The following PLEKHA5 variants were observed in gnomAD, a reference collection of about 807,000 sequenced individuals.
PLEKHA5 encodes pleckstrin homology domain containing A5, also known as pleckstrin homology domain-containing family A member 5.
A neutral mutation model predicts 181.9 loss-of-function variants in PLEKHA5; 55 were observed. The ratio of observed to expected loss-of-function variants is 0.30; its 90% CI spans 0.24 to 0.38. PLEKHA5 has a LOEUF of 0.38. PLEKHA5 is among the 10% of genes least tolerant of loss of function. The pLI is 1.00. For missense variants in PLEKHA5, 1,432 were observed against 1,549.5 expected (o/e 0.92, Z 1.27); for synonymous variants, 535 against 529.4 (o/e 1.01, Z -0.15).
At chr12:19,131,706 T>G (rs902780113) in intron 2 of PLEKHA5, among the ~76,000 whole-genome samples, 1 of 152,160 alleles carries the variant, frequency 6.6e-6, no homozygotes, top group East Asian at 1.9e-4. Context: ...TTTACTTTGC[T>G]TGGACTCTGG....
intron 11 of PLEKHA5, among the ~76,000 whole-genome samples, chr12:19,277,980 G>T (rs895133062): frequency 6.6e-6 from 1 of 152,166 alleles, no homozygotes; most frequent in African/African-American, 2.4e-5. Flanking sequence ...TCTGATGTAG[G>T]AGCTTAGAGT....
rs555247460 is a variant in PLEKHA5, at chr12:19,194,048, T to C, written c.228-59892T>C. On this transcript the variant is annotated intron_variant, in intron 3 of 31. Coordinates refer to ENST00000429027, the MANE Select transcript of PLEKHA5 (RefSeq NM_001256470.2). ...TGACCCAAACACCTCCCACCAGGCC[T>C]CACCTCCAACATTGGGGATTGCATT... 5.9e-5 allele frequency among the ~76,000 whole-genome samples: 9 copies of C among 152,272 alleles called. No individual in the cohort carries two copies. The South Asian group carries it at 1.9e-3, about 32-fold the overall frequency.
At chr12:19,210,315 A>T (rs2056646828) in intron 3 of PLEKHA5, among the ~76,000 whole-genome samples, 1 of 152,348 alleles carries the variant, frequency 6.6e-6, no homozygotes, top group South Asian at 2.1e-4. Context: ...TGACATTTTT[A>T]AAAGTATAAG....
intron 28 of PLEKHA5, 118 bp downstream of exon 28, chr12:19,359,664 T>C (rs1309388065): frequency 9.4e-7 from 1 of 1,063,482 alleles, no homozygotes; most frequent in African/African-American, 1.6e-5. Flanking sequence ...TAGAGCTAAA[T>C]GAAAAAATAA....
intron 21 of PLEKHA5, among the ~76,000 whole-genome samples, chr12:19,337,548 C>CAAAAAAAA (rs1157232818): frequency 8.1e-5 from 5 of 61,686 alleles, no homozygotes; most frequent in Non-Finnish European, 1.4e-4. Context: ...GACTCTATCT[C>CAAAAAAAA]AAAAAAAAAA....
intron 3 of PLEKHA5, chr12:19,202,114 AGT>A: frequency 1.9e-6 from 1 of 517,668 alleles, no homozygotes; most frequent in Non-Finnish European, 2.5e-6. Flanking sequence ...AATTATTTTC[AGT>A]AGTTTTGCCT....
chr12:19,180,395 T>G (rs952556030), intron 3 of PLEKHA5, among the ~76,000 whole-genome samples: 22 of 152,160 alleles, frequency 1.4e-4, no homozygotes, highest in African/African-American at 5.3e-4. Flanking sequence ...TCCTCAGGGC[T>G]GAGGCATATG....
chr12:19,184,169 G>A (rs2049271366), intron 3 of PLEKHA5, among the ~76,000 whole-genome samples: 1 of 152,048 alleles, frequency 6.6e-6, no homozygotes, highest in Non-Finnish European at 1.5e-5. Context: ...TCGGGGAATG[G>A]CTATGAAAAA....
intron 25 of PLEKHA5, among the ~76,000 whole-genome samples, chr12:19,351,674 A>G (rs561188012): frequency 6.6e-6 from 1 of 152,324 alleles, no homozygotes; most frequent in South Asian, 2.1e-4. Context: ...TCCAAAAAAG[A>G]AAAGAAGCTG....
intron 20 of PLEKHA5, among the ~76,000 whole-genome samples, chr12:19,333,945 C>A (rs536794121): frequency 1.3e-5 from 2 of 152,072 alleles, no homozygotes; most frequent in African/African-American, 2.4e-5. Context: ...CTGGCATTCT[C>A]TACTTTTTAT....
chr12:19,152,362 C>G (rs919804634), intron 3 of PLEKHA5: 12 of 152,094 alleles, frequency 7.9e-5, no homozygotes, highest in African/African-American at 2.9e-4. Context: ...CTCAGAAACA[C>G]CTGGAAATAA....
chr12:19,283,617 C>T lies in PLEKHA5; in HGVS notation c.1651C>T (p.Pro551Ser), dbSNP rs1311757995. 1 of 1,613,936 alleles carries T rather than the reference C, an allele frequency of 6.2e-7. No individual in the cohort carries two copies. The highest frequency in any genetic ancestry group is 8.5e-7 in the Non-Finnish European group (1 of 1,179,958). ...GACAATGCACTCTATTCCCACATCA[C>T]CTTCCCACGGGTCAATAGCTGCTTA... ...DQTMHSIPTS[P>S]SHGSIAAYQG... Residue 551 changes from proline (P) to serine (S), a missense_variant, in exon 12 of 32, where the codon CCT (proline) becomes TCT (serine). By Grantham distance (74) the Pro-to-Ser change is moderately conservative. Transcript: ENST00000429027.
intron 11 of PLEKHA5, among the ~76,000 whole-genome samples, chr12:19,280,759 G>A (rs1023072106): frequency 6.7e-6 from 1 of 149,894 alleles, no homozygotes; most frequent in African/African-American, 2.5e-5. Context: ...GAGACAGAGT[G>A]TCTGTCACCA....
chr12:19,201,731 T>A (rs2054251103), intron 3 of PLEKHA5: 1 of 152,118 alleles, frequency 6.6e-6, no homozygotes, highest in South Asian at 2.1e-4. Flanking sequence ...ATTGTATAAT[T>A]CCATTTTTAT....
chr12:19,293,690 AT>A (rs2079048548), intron 15 of PLEKHA5, among the ~76,000 whole-genome samples: 1 of 152,202 alleles, frequency 6.6e-6, no homozygotes, highest in Non-Finnish European at 1.5e-5. Context: ...TACTGACCTC[AT>A]TGAATCAAAA....
intron 3 of PLEKHA5, among the ~76,000 whole-genome samples, chr12:19,195,531 G>A (rs1284571049): frequency 1.3e-5 from 2 of 151,802 alleles, no homozygotes; most frequent in East Asian, 2.0e-4. Context: ...TTAGCCGGGC[G>A]TGCTGGCACA....
At chr12:19,371,510 G>A (rs897700246) in intron 31 of PLEKHA5, 6 of 155,430 alleles carry the variant, frequency 3.9e-5, no homozygotes, top group African/African-American at 9.6e-5. Context: ...CACACTGTAT[G>A]CCTTTGCATA....
intron 3 of PLEKHA5, among the ~76,000 whole-genome samples, chr12:19,162,226 A>G (rs1441007113): frequency 1.3e-5 from 2 of 152,176 alleles, no homozygotes; most frequent in African/African-American, 4.8e-5. Context: ...GTCTTCATCT[A>G]AAAATTATTT....
intron 3 of PLEKHA5, among the ~76,000 whole-genome samples, chr12:19,189,333 G>T (rs2151938509): frequency 6.6e-6 from 1 of 152,294 alleles, no homozygotes; most frequent in East Asian, 1.9e-4. Context: ...AATGAAGAAA[G>T]ATGGTAAATA....
Sources: allele counts gnomAD v4.1 joint callset (sites outside exome capture counted in the v4.1 genomes callset), GRCh38; gene constraint gnomAD v4.1.1; transcripts MANE v1.5; gene names NCBI Gene and HGNC (gene_info 2026-07-23, HGNC 2026-07-21).